The following FANCI variants were observed in gnomAD, a reference collection of about 807,000 sequenced individuals.
The protein encoded by FANCI is FA complementation group I, also known as Fanconi anemia group I protein.
Under a neutral mutation model 176.1 loss-of-function variants are expected in FANCI, and 156 were observed. The observed-to-expected ratio is 0.89, with a 90% CI of 0.78 to 1.01. The LOEUF is 1.01. Ranked by LOEUF, FANCI falls within the 50% of genes least tolerant of loss-of-function variation. FANCI has a pLI of 0.00. For synonymous variants in FANCI, 613 were observed against 541.7 expected (o/e 1.13, Z -1.83); for missense variants, 1,678 against 1,534.1 (o/e 1.09, Z -1.57).
chr15:89,271,445 T>G (rs1402043890), intron 10 of FANCI, among the ~76,000 whole-genome samples: 1 of 152,230 alleles, frequency 6.6e-6, no homozygotes, highest in African/African-American at 2.4e-5. Context: ...TTAAGTGTAA[T>G]GTTTTCAGGA....
At chr15:89,313,753 C>T (rs927391731) in intron 35 of FANCI, among the ~76,000 whole-genome samples, 7 of 151,942 alleles carry the variant, frequency 4.6e-5, no homozygotes, top group Non-Finnish European at 1.0e-4. Flanking sequence ...ACAAAGATAT[C>T]CATTAATAGA....
intron 2 of FANCI, among the ~76,000 whole-genome samples, 192 bp downstream of exon 2, chr15:89,247,923 T>C (rs570876615): frequency 1.3e-5 from 2 of 152,348 alleles, no homozygotes; most frequent in East Asian, 3.9e-4. Context: ...AATAGACTAC[T>C]TGAGGGCATT....
Position 89,312,980 on chromosome 15 carries a change from GCTGACA to G in FANCI, c.3720+14_3720+19del. On this transcript the variant is annotated intron_variant, in intron 35 of 37. Coordinates refer to ENST00000310775, the MANE Select transcript of FANCI (RefSeq NM_001113378.2). ...GCCGTTGCCACAGCCATGGTAAGCT[GCTGACA>G]CTGACCGTTAAAATATGCTTGTTGG... 1 of 1,613,714 alleles carries G rather than the reference GCTGACA, an allele frequency of 6.2e-7. No homozygotes were observed. Among genetic ancestry groups the G allele is most frequent in the Non-Finnish European group, 8.5e-7 (1 of 1,179,702 alleles).
chr15:89,245,167 C>CTTTTTTTTT (rs1567132810), intron 1 of FANCI: 16 of 121,318 alleles, frequency 1.3e-4, no homozygotes, highest in African/African-American at 5.4e-4. Flanking sequence ...CTTTTCTTTT[C>CTTTTTTTTT]TTTTCTTTTC....
intron 36 of FANCI, 140 bp downstream of exon 36, chr15:89,314,847 C>CG: frequency 1.9e-6 from 1 of 535,858 alleles, no homozygotes; most frequent in Non-Finnish European, 3.2e-6. Flanking sequence ...CCCCCCCCCC[C>CG]CCTTTTTTTT....
intron 34 of FANCI, among the ~76,000 whole-genome samples, chr15:89,309,117 CCAG>C (rs1214575921): frequency 3.9e-4 from 60 of 152,128 alleles, no homozygotes; most frequent in Non-Finnish European, 7.9e-4. Flanking sequence ...AGCCATCCAG[CCAG>C]TAGTCAACTG....
chr15:89,271,894 C>A (rs1006743895), intron 10 of FANCI, among the ~76,000 whole-genome samples: 1 of 152,222 alleles, frequency 6.6e-6, no homozygotes, highest in Non-Finnish European at 1.5e-5. Context: ...TTGGCTATTA[C>A]AAATAATGCT....
chr15:89,281,985 T>C (rs1164793304), intron 16 of FANCI, 150 bp downstream of exon 16: 4 of 725,720 alleles, frequency 5.5e-6, no homozygotes, highest in African/African-American at 5.2e-5. Flanking sequence ...GGCATTTTGC[T>C]AAGTGCTTTA....
Position 89,268,468 on chromosome 15 carries a change from T to G in FANCI, c.825T>G (p.Ile275Met), listed in dbSNP as rs546087457. 1 of 1,614,208 alleles carries G rather than the reference T, an allele frequency of 6.2e-7. No individual in the cohort carries two copies. Among genetic ancestry groups the G allele is most frequent in the Non-Finnish European group, 8.5e-7 (1 of 1,180,032 alleles). ...TGGAAGGCACCATTATTCTACACATTGTGTTTGCCATCAAATTGGACTATG... is the reference window on the plus strand; with the variant it reads ...TGGAAGGCACCATTATTCTACACATGGTGTTTGCCATCAAATTGGACTATG... Reference protein sequence around the residue: ...RHVEGTIILHIVFAIKLDYEL... With the variant: ...RHVEGTIILHMVFAIKLDYEL... Residue 275 changes from isoleucine (I) to methionine (M), a missense_variant, in exon 10 of 38, where the codon ATT (isoleucine) becomes ATG (methionine). By Grantham distance (10) the Ile-to-Met change is conservative. This residue lies in a region of FANCI where 469 missense variants were observed against 436.9 expected (regional missense o/e 1.07). Coordinates refer to ENST00000310775, the MANE Select transcript of FANCI (RefSeq NM_001113378.2).
At chr15:89,288,966 G>C (rs530146852) in intron 18 of FANCI, among the ~76,000 whole-genome samples, 1 of 151,542 alleles carries the variant, frequency 6.6e-6, no homozygotes, top group East Asian at 1.9e-4. Flanking sequence ...TTTATCTGTA[G>C]AAAGTCCAAA....
rs1409580548 is a variant in FANCI at position 89,305,387 on chromosome 15, GA to G, written c.3235del (p.Thr1079ArgfsTer11). 1 of 1,613,774 alleles carries G rather than the reference GA, an allele frequency of 6.2e-7. No individual in the cohort carries two copies. The highest frequency in any genetic ancestry group is 1.1e-5 in the South Asian group (1 of 91,064). Reference protein sequence around the residue: ...KTNHFAIVNLRTAAPTVCLLV... With the variant: ...KTNHFAIVNLXTAAPTVCLLV... ...AACCACTTTGCAATAGTGAATTTGA[GA>G]ACGGCTGCCCCCACTGTCTGTGTAA... On this transcript the variant is annotated frameshift_variant, in exon 30 of 38. Coordinates refer to ENST00000310775, the MANE Select transcript of FANCI (RefSeq NM_001113378.2). LOFTEE classifies it high-confidence loss of function.
chr15:89,273,749 G>GT (rs2053297478), intron 11 of FANCI, among the ~76,000 whole-genome samples: 1 of 133,970 alleles, frequency 7.5e-6, no homozygotes. Context: ...CACAGCCCCA[G>GT]TTGGAGGAAG....
At chr15:89,317,239 TA>T, downstream of FANCI, 1 of 759,766 alleles carries the variant, frequency 1.3e-6, no homozygotes, top group Non-Finnish European at 2.3e-6. Flanking sequence ...GGGCACCTTA[TA>T]AACTGAAATT....
chr15:89,247,576 A>C, intron 1 of FANCI, 53 bp from the exon 2 acceptor site: 1 of 1,258,444 alleles, frequency 7.9e-7, no homozygotes, highest in South Asian at 1.2e-5. Flanking sequence ...AAAACAAATC[A>C]AGTTTGTTTA....
chr15:89,313,592 G>C (rs1350871908), intron 35 of FANCI, among the ~76,000 whole-genome samples: 1 of 152,190 alleles, frequency 6.6e-6, no homozygotes, highest in East Asian at 1.9e-4. Context: ...TTAGTACATT[G>C]CTGGCAAAGG....
chr15:89,294,097 A>T (rs2054166515), intron 23 of FANCI, 100 bp downstream of exon 23: 1 of 1,347,152 alleles, frequency 7.4e-7, no homozygotes, highest in African/African-American at 1.4e-5. Context: ...TTACAGTAAG[A>T]AATAAGTCAG....
At chr15:89,250,457 A>G (rs111524104) in intron 2 of FANCI, among the ~76,000 whole-genome samples, 3,314 of 150,380 alleles carry the variant, frequency 0.022, 122 homozygotes, top group African/African-American at 0.078. Context: ...AAAAAACCAA[A>G]CCCCACATGT....
chr15:89,290,398 G>C (rs1329620988), intron 19 of FANCI, 117 bp downstream of exon 19: 3 of 809,330 alleles, frequency 3.7e-6, no homozygotes, highest in Non-Finnish European at 6.3e-6. Flanking sequence ...TTAGTACTTT[G>C]TGAACATGCT....
intron 34 of FANCI, among the ~76,000 whole-genome samples, chr15:89,309,753 G>A (rs1596331583): frequency 6.6e-6 from 1 of 152,140 alleles, no homozygotes; most frequent in Non-Finnish European, 1.5e-5. Flanking sequence ...AGTTCCAACA[G>A]TATGTTCATT....
Sources: gnomAD v4.1 joint callset for allele counts (sites outside exome capture counted in the v4.1 genomes callset) on GRCh38, gnomAD v4.1.1 for gene constraint, gnomAD v4.1.1 regional missense constraint, MANE v1.5 for transcripts, NCBI Gene and HGNC (gene_info 2026-07-23, HGNC 2026-07-21) for gene names.